Variants in ANXA2 observed in about 807,000 individuals in gnomAD.
The protein encoded by ANXA2 is annexin A2.
In ANXA2, 28 loss-of-function variants were observed where a neutral mutation model predicts 47.3. That is an observed-to-expected ratio of 0.59 (90% CI 0.44 to 0.81). The LOEUF is 0.81. Ranked by LOEUF, ANXA2 falls within the 40% of genes least tolerant of loss-of-function variation. The pLI, the probability that ANXA2 is intolerant of heterozygous loss-of-function variation, is 0.00. For synonymous variants in ANXA2, 172 were observed against 155.5 expected, an observed-to-expected ratio of 1.11 and a Z score of -0.79; for missense variants, 384 against 414.3, an observed-to-expected ratio of 0.93 and a Z score of 0.64.
At chr15:60,351,064 CT>C in intron 11 of ANXA2, 128 bp downstream of exon 11, 2 of 828,944 alleles carry the variant, frequency 2.4e-6, no homozygotes, top group Admixed American at 4.1e-5. Context: ...CCACAGCTGA[CT>C]AGTGTGTTCC....
chr15:60,354,311 C>G, intron 7 of ANXA2, 98 bp from the exon 8 acceptor site: 1 of 977,398 alleles, frequency 1.0e-6, no homozygotes, highest in Non-Finnish European at 1.5e-6. Flanking sequence ...TATTTAATTT[C>G]CTAAATAAGT....
At chr15:60,391,005 TA>T (rs1439824829) in intron 1 of ANXA2, 1 of 152,536 alleles carries the variant, frequency 6.6e-6, no homozygotes, top group African/African-American at 2.4e-5. Context: ...CGCAAGGAAT[TA>T]ATCAACGAAC....
chr15:60,371,882 T>G (rs1010051860), intron 3 of ANXA2, among the ~76,000 whole-genome samples: 1 of 152,186 alleles, frequency 6.6e-6, no homozygotes, highest in South Asian at 2.1e-4. Flanking sequence ...CCGGGCGCGG[T>G]GGCTCACGCC....
chr15:60,352,881 C>G lies in ANXA2; in HGVS notation c.589-405G>C, dbSNP rs1161604963. ...GACAGCTACAGACCAGGCTCTCATTCTCAAGCTTCTCAGAGACTCAGGGAG... is the reference window on the plus strand; with the variant it reads ...GACAGCTACAGACCAGGCTCTCATTGTCAAGCTTCTCAGAGACTCAGGGAG... On this transcript the variant is annotated intron_variant, in intron 8 of 12. Coordinates refer to ENST00000451270, the MANE Select transcript of ANXA2 (RefSeq NM_004039.3). This position sits in a 1 kb window ranked among gnomAD's most constrained non-coding sequence, Gnocchi z 4.2. Among the ~76,000 whole-genome samples the G allele has an allele frequency of 6.6e-6, 1 of 152,216 alleles. No individual in the cohort carries two copies. Among genetic ancestry groups the G allele is most frequent in the East Asian group, 1.9e-4 (1 of 5,190 alleles).
intron 1 of ANXA2, chr15:60,386,492 G>A (rs544607463): frequency 6.4e-6 from 1 of 157,360 alleles, no homozygotes; most frequent in South Asian, 2.0e-4. Flanking sequence ...AACATATTGA[G>A]AAGGACCTGA....
At chr15:60,385,069 T>TA (rs1477053259) in intron 2 of ANXA2, among the ~76,000 whole-genome samples, 4 of 152,012 alleles carry the variant, frequency 2.6e-5, no homozygotes, top group South Asian at 2.1e-4. Context: ...TTTTTATTTG[T>TA]AAAAAAAAGA....
intron 1 of ANXA2, among the ~76,000 whole-genome samples, chr15:60,394,056 G>A (rs2063049531): frequency 6.6e-6 from 1 of 152,166 alleles, no homozygotes; most frequent in Non-Finnish European, 1.5e-5. Context: ...GCAAAGCCCA[G>A]CAGGTCGCTT....
rs147137663 is a variant in ANXA2 at position 60,389,337 on chromosome 15, A to G, written c.-11-3251T>C. 6.0e-3 allele frequency among the ~76,000 whole-genome samples: 918 copies of G among 152,322 alleles called. 17 individuals carry two copies. Among genetic ancestry groups the G allele is most frequent in the African/African-American group, 0.021 (864 of 41,572 alleles). ...TTGTTTATGAAATCAGACACCTCAC[A>G]TTGGTTCCGATGTTTAGAAAATCTC... On this transcript the variant is annotated intron_variant, in intron 1 of 12. Coordinates refer to ENST00000451270, the MANE Select transcript of ANXA2 (RefSeq NM_004039.3).
intron 3 of ANXA2, among the ~76,000 whole-genome samples, chr15:60,372,143 C>G (rs1288805237): frequency 1.1e-4 from 17 of 152,096 alleles, no homozygotes; most frequent in Admixed American, 1.0e-3. Context: ...GAGCGAAACT[C>G]TATCTCAAAA....
intron 3 of ANXA2, 115 bp from the exon 4 acceptor site, chr15:60,364,638 G>T: frequency 3.0e-6 from 2 of 672,944 alleles, no homozygotes; most frequent in Non-Finnish European, 4.9e-6. Flanking sequence ...TTTCCAAACT[G>T]AAATACCCAG....
intron 3 of ANXA2, among the ~76,000 whole-genome samples, chr15:60,375,259 G>T (rs2062761194): frequency 6.6e-6 from 1 of 152,096 alleles, no homozygotes; most frequent in Non-Finnish European, 1.5e-5. Flanking sequence ...ACCCACTTTT[G>T]CATCCCTTCC....
chr15:60,347,420 C>T lies in ANXA2; in HGVS notation c.*210G>A, dbSNP rs1895768369. The T allele has an allele frequency of 5.0e-6, 3 of 600,038 alleles. No homozygotes were observed. In the South Asian group the frequency reaches 6.0e-5, roughly 12 times the overall value. The allele number at this position is 600,038 out of a possible 1,614,324, so 37.2% of individuals were successfully genotyped here. A position where few individuals can be genotyped will look rare whatever the true frequency, so the allele number is the denominator to read the frequency against. On this transcript the variant is annotated 3_prime_UTR_variant, in exon 13 of 13. Transcript: ENST00000451270. ...TTCACATCATAGACTTCACTTCCAA[C>T]TCCTTGGAATGTTCATTTCTTTGGC...
intron 3 of ANXA2, among the ~76,000 whole-genome samples, chr15:60,367,221 G>A (rs2062633379): frequency 6.9e-5 from 8 of 116,414 alleles, no homozygotes; most frequent in Admixed American, 6.4e-4. Flanking sequence ...GGAGGTGGGG[G>A]GGGTCAGCCC....
chr15:60,355,731 G>A, intron 7 of ANXA2, 188 bp downstream of exon 7: 1 of 663,512 alleles, frequency 1.5e-6, no homozygotes, highest in South Asian at 1.6e-5. Context: ...ATGAGGTTTT[G>A]CAGGATAAGA....
chr15:60,393,314 C>T (rs781156855), intron 1 of ANXA2: 13 of 997,788 alleles, frequency 1.3e-5, no homozygotes, highest in African/African-American at 1.7e-5. Context: ...GGAAAGAGAC[C>T]GGCAGGAAGA....
intron 1 of ANXA2, chr15:60,386,838 T>C (rs752817822): frequency 3.3e-5 from 5 of 152,006 alleles, no homozygotes; most frequent in Non-Finnish European, 7.4e-5. Flanking sequence ...CAATAAGGAG[T>C]GCTCAATTGG....
intron 11 of ANXA2, 39 bp from the exon 12 acceptor site, chr15:60,349,236 T>C: frequency 1.2e-6 from 2 of 1,610,622 alleles, no homozygotes; most frequent in South Asian, 1.1e-5. Context: ...TCGCTGAGAA[T>C]GTTATCGTTA....
Position 60,370,979 on chromosome 15 carries a change from C to T in ANXA2, c.149-6456G>A, listed in dbSNP as rs118000180. Among the ~76,000 whole-genome samples, 1,342 of 152,270 alleles carry T rather than the reference C, an allele frequency of 8.8e-3. 13 individuals carry two copies. The highest frequency in any genetic ancestry group is 0.015 in the Admixed American group (232 of 15,300). On this transcript the variant is annotated intron_variant, in intron 3 of 12. Transcript: ENST00000451270. ...AAGAAGAGTGATGTGGATAGGGTGA[C>T]CCCACAGAATATGGGTGAGAACATG...
At chr15:60,358,341 T>C (rs539432765) in intron 5 of ANXA2, among the ~76,000 whole-genome samples, 2 of 152,350 alleles carry the variant, frequency 1.3e-5, no homozygotes, top group Non-Finnish European at 2.9e-5. Flanking sequence ...GCTGGCTTCA[T>C]GATCAAAGTC....
Sources: gnomAD v4.1 joint callset for allele counts (sites outside exome capture counted in the v4.1 genomes callset) on GRCh38, gnomAD v4.1.1 for gene constraint, Gnocchi (gnomAD v3.1) non-coding constraint, MANE v1.5 for transcripts, NCBI Gene and HGNC (gene_info 2026-07-23, HGNC 2026-07-21) for gene names.